EXOC2: variants seen among roughly 807,000 people sequenced by gnomAD.
EXOC2 encodes the protein exocyst complex component 2, also known as SEC5-like 1.
In EXOC2, 70 loss-of-function variants were observed where a neutral mutation model predicts 131.8. That is an observed-to-expected ratio of 0.53 (90% CI 0.44 to 0.65). The LOEUF (loss-of-function observed/expected upper bound fraction) is 0.65. Ranked by LOEUF, EXOC2 falls within the 30% of genes least tolerant of loss-of-function variation. The pLI is 0.00. For synonymous variants in EXOC2, 411 were observed against 398.4 expected, an observed-to-expected ratio of 1.03 and a Z score of -0.38; for missense variants, 923 against 1,108.6, an observed-to-expected ratio of 0.83 and a Z score of 2.38.
At chr6:507,117 TACACACATACAC>T (rs146222282) in intron 23 of EXOC2, among the ~76,000 whole-genome samples, 38,239 of 89,658 alleles carry the variant, frequency 0.43, 9,574 homozygotes, top group Non-Finnish European at 0.56. Flanking sequence ...CAGCAGTGAC[TACACACATACAC>T]ACACACATAC....
intron 2 of EXOC2, among the ~76,000 whole-genome samples, chr6:637,270 CG>C (rs572355335): frequency 8.1e-4 from 124 of 152,254 alleles, no homozygotes; most frequent in African/African-American, 2.8e-3. Flanking sequence ...AACTGCTGCC[CG>C]TGTCACCAGG....
At chr6:523,788 A>C (rs1765606544) in intron 23 of EXOC2, among the ~76,000 whole-genome samples, 1 of 152,196 alleles carries the variant, frequency 6.6e-6, no homozygotes, top group African/African-American at 2.4e-5. Context: ...GCCTCAAATG[A>C]CCTTATTGGT....
rs66637987 is a variant in EXOC2, at chr6:654,803, CAAAAAAAAAAAAAAAAAAAA to C, written c.-43-16962_-43-16943del. Among the ~76,000 whole-genome samples the C allele has an allele frequency of 2.0e-4, 6 of 29,574 alleles. 1 individual carries two copies. Among genetic ancestry groups the C allele is most frequent in the African/African-American group, 5.7e-4 (6 of 10,518 alleles). The allele number at this position is 29,574 out of a possible 152,430, so 19.4% of individuals were successfully genotyped here. On this transcript the variant is annotated intron_variant, in intron 1 of 27. Transcript: ENST00000230449. ...TGGGTGACAGAGTAAGACCCTGTCT[CAAAAAAAAAAAAAAAAAAAA>C]AAAAAAAAAAAAAAGTAGAGCCTTA... is the stretch of plus-strand genomic sequence containing the variant.
chr6:500,894 T>C (rs529189408), intron 23 of EXOC2, among the ~76,000 whole-genome samples: 1 of 151,488 alleles, frequency 6.6e-6, no homozygotes, highest in Non-Finnish European at 1.5e-5. Context: ...GAACGGGCAT[T>C]TGCATATTCC....
At chr6:623,002 C>T (rs1190097845) in intron 4 of EXOC2, among the ~76,000 whole-genome samples, 2 of 152,206 alleles carry the variant, frequency 1.3e-5, no homozygotes, top group Non-Finnish European at 2.9e-5. Context: ...ACTCTCCTAC[C>T]CCCAGGAGTC....
chr6:555,363 T>G, intron 19 of EXOC2, 75 bp from the exon 20 acceptor site: 1 of 918,920 alleles, frequency 1.1e-6, no homozygotes, highest in Admixed American at 2.4e-5. Flanking sequence ...ACACTAAAGA[T>G]AACTTTACAT....
Position 599,180 on chromosome 6 carries a change from C to A in EXOC2, c.788G>T (p.Arg263Leu). The change falls in exon 8 of 28, where the codon CGG becomes CTG. Residue 263 changes from arginine (R) to leucine (L), a missense_variant. Arg to Leu is a moderately radical substitution (Grantham distance 102, BLOSUM62 -2). Coordinates refer to ENST00000230449, the MANE Select transcript of EXOC2 (RefSeq NM_018303.6). ...TCTAGTGGAATCTGCCTTGTCTTTC[C>A]GACCTAATACTTCTTGAAACAATGT... ...ADTLFQEVLG[R>L]KDKADSTRNA... 6.2e-7 allele frequency: 1 copy of A among 1,610,270 alleles called. No individual in the cohort carries two copies. Among genetic ancestry groups the A allele is most frequent in the Non-Finnish European group, 8.5e-7 (1 of 1,177,630 alleles).
intron 7 of EXOC2, among the ~76,000 whole-genome samples, chr6:608,700 C>T (rs143000912): frequency 6.6e-6 from 1 of 152,172 alleles, no homozygotes; most frequent in Admixed American, 6.5e-5. Flanking sequence ...ACACATGAAA[C>T]AGACCCTAGA....
chr6:538,933 G>A (rs770351095), intron 22 of EXOC2, among the ~76,000 whole-genome samples: 8 of 152,130 alleles, frequency 5.3e-5, no homozygotes, highest in Non-Finnish European at 1.0e-4. Flanking sequence ...TTAGCCGGCT[G>A]TGGTGACAGG....
At chr6:534,281 G>A (rs1766293587) in intron 22 of EXOC2, among the ~76,000 whole-genome samples, 1 of 152,152 alleles carries the variant, frequency 6.6e-6, no homozygotes, top group Admixed American at 6.5e-5. Flanking sequence ...AGCAGTAGGA[G>A]AAAATTTAAC....
At chr6:613,206 A>G (rs1414689330) in intron 6 of EXOC2, among the ~76,000 whole-genome samples, 1 of 152,196 alleles carries the variant, frequency 6.6e-6, no homozygotes, top group Non-Finnish European at 1.5e-5. Context: ...AAACTGTACT[A>G]AACATACCAA....
chr6:575,826 T>C (rs1054511651), intron 12 of EXOC2, among the ~76,000 whole-genome samples: 2 of 152,252 alleles, frequency 1.3e-5, no homozygotes, highest in Non-Finnish European at 2.9e-5. Context: ...CATTATATAA[T>C]GTTAGCTGCT....
At chr6:672,988 G>A (rs76680188) in intron 1 of EXOC2, among the ~76,000 whole-genome samples, 233 of 152,050 alleles carry the variant, frequency 1.5e-3, no homozygotes, top group African/African-American at 5.1e-3. Flanking sequence ...GACTGGGCGC[G>A]GTGGCTCAGC....
At chr6:583,084 T>A (rs150101425) in intron 11 of EXOC2, among the ~76,000 whole-genome samples, 1 of 152,224 alleles carries the variant, frequency 6.6e-6, no homozygotes, top group Non-Finnish European at 1.5e-5. Flanking sequence ...CAAAATGAAA[T>A]GTATGTTTTT....
chr6:656,617 G>C, intron 1 of EXOC2: 2 of 1,602,308 alleles, frequency 1.2e-6, no homozygotes, highest in Non-Finnish European at 1.7e-6. Flanking sequence ...GTGAGGGAGG[G>C]GCGGCGCTTG....
chr6:556,313 G>C (rs1386976768), intron 18 of EXOC2, among the ~76,000 whole-genome samples, 171 bp downstream of exon 18: 5 of 152,194 alleles, frequency 3.3e-5, no homozygotes, highest in African/African-American at 9.7e-5. Flanking sequence ...ACTTTAACTT[G>C]CATCGGCCTG....
chr6:531,297 G>A (rs951376171), intron 23 of EXOC2, among the ~76,000 whole-genome samples: 3 of 142,100 alleles, frequency 2.1e-5, no homozygotes, highest in Non-Finnish European at 3.0e-5. Flanking sequence ...ATGAGAAGAT[G>A]TTGTAAGAAT....
chr6:651,179 C>T (rs151297268), intron 1 of EXOC2, among the ~76,000 whole-genome samples: 4 of 151,812 alleles, frequency 2.6e-5, no homozygotes, highest in South Asian at 2.1e-4. Flanking sequence ...TACAGGCGCC[C>T]GCCACCATGC....
At chr6:567,538 T>C (rs1182941156) in intron 13 of EXOC2, among the ~76,000 whole-genome samples, 1 of 152,204 alleles carries the variant, frequency 6.6e-6, no homozygotes, top group Non-Finnish European at 1.5e-5. Context: ...TTTGGTGACT[T>C]TTATTTATAT....
Sources: gnomAD v4.1 joint callset for allele counts (sites outside exome capture counted in the v4.1 genomes callset) on GRCh38, gnomAD v4.1.1 for gene constraint, MANE v1.5 for transcripts, NCBI Gene and HGNC (gene_info 2026-07-23, HGNC 2026-07-21) for gene names.